The following SRGN variants were observed in gnomAD, a reference collection of about 807,000 sequenced individuals.
SRGN encodes the protein serglycin, also known as hematopoetic proteoglycan core peptide.
In SRGN, 2 loss-of-function variants were observed where a neutral mutation model predicts 9.5. The observed-to-expected ratio is 0.21, with a 90% CI of 0.09 to 0.66. The LOEUF (loss-of-function observed/expected upper bound fraction) is 0.66. SRGN is among the 30% of genes least tolerant of loss of function. The pLI is 0.83. For missense variants in SRGN, 170 were observed against 192.4 expected (o/e 0.88, Z 0.69); for synonymous variants, 59 against 72.3 (o/e 0.82, Z 0.93).
At chr10:69,088,579 T>TG (rs1041891894) in intron 1 of SRGN, among the ~76,000 whole-genome samples, 1 of 152,182 alleles carries the variant, frequency 6.6e-6, no homozygotes, top group African/African-American at 2.4e-5. Context: ...CTTTGACTGT[T>TG]GGGGGGTGTC....
At chr10:69,099,906 T>G (rs1840254884) in intron 2 of SRGN, among the ~76,000 whole-genome samples, 1 of 152,118 alleles carries the variant, frequency 6.6e-6, no homozygotes, top group Non-Finnish European at 1.5e-5. Context: ...GAGACCAGCC[T>G]GGGCAACACG....
intron 2 of SRGN, among the ~76,000 whole-genome samples, chr10:69,101,153 C>A (rs919616517): frequency 4.0e-5 from 6 of 151,812 alleles, no homozygotes; most frequent in Admixed American, 2.0e-4. Flanking sequence ...TTGGTAGAGA[C>A]GGGGTTTTGC....
At chr10:69,097,584 G>A (rs1840204242) in intron 2 of SRGN, among the ~76,000 whole-genome samples, 1 of 151,962 alleles carries the variant, frequency 6.6e-6, no homozygotes, top group South Asian at 2.1e-4. Context: ...CCGCCACCAC[G>A]CCCGGCTAAT....
chr10:69,091,879 C>CCAAAAAAAAAAAAAAAAA (rs1840063456), intron 1 of SRGN, among the ~76,000 whole-genome samples: 1 of 31,770 alleles, frequency 3.1e-5, no homozygotes, highest in Non-Finnish European at 4.7e-5. Flanking sequence ...GACTCTGTCT[C>CCAAAAAAAAAAAAAAAAA]AAAAAAAAAA....
chr10:69,091,879 C>CAAAAA (rs1177012248), intron 1 of SRGN, among the ~76,000 whole-genome samples: 1,207 of 31,554 alleles, frequency 0.038, 60 homozygotes, highest in Non-Finnish European at 0.043. Flanking sequence ...GACTCTGTCT[C>CAAAAA]AAAAAAAAAA....
At chr10:69,101,121 T>C (rs926173050) in intron 2 of SRGN, among the ~76,000 whole-genome samples, 2 of 151,836 alleles carry the variant, frequency 1.3e-5, no homozygotes, top group African/African-American at 4.8e-5. Flanking sequence ...TGTGCCACTA[T>C]GCCCAGCTAA....
intron 1 of SRGN, among the ~76,000 whole-genome samples, chr10:69,093,858 T>C (rs1840117670): frequency 6.6e-6 from 1 of 152,060 alleles, no homozygotes; most frequent in Non-Finnish European, 1.5e-5. Context: ...AGAGCCAGAC[T>C]CTATCTCAAA....
At chr10:69,099,990 C>T (rs1045787427) in intron 2 of SRGN, among the ~76,000 whole-genome samples, 2 of 151,990 alleles carry the variant, frequency 1.3e-5, no homozygotes, top group Non-Finnish European at 2.9e-5. Context: ...TTTGGGAGGC[C>T]GAGGCGGATA....
chr10:69,101,430 T>C (rs185597196), intron 2 of SRGN, among the ~76,000 whole-genome samples: 132 of 152,340 alleles, frequency 8.7e-4, no homozygotes, highest in Admixed American at 3.7e-3. Context: ...GCCACCTCTC[T>C]TTGTGGCTGG....
At chr10:69,099,945 C>T (rs748377865) in intron 2 of SRGN, among the ~76,000 whole-genome samples, 10 of 152,066 alleles carry the variant, frequency 6.6e-5, no homozygotes, top group Non-Finnish European at 1.2e-4. Context: ...AAATTAGTGG[C>T]CCGGCGCTGT....
At chr10:69,087,985 T>A, upstream of SRGN, 1 of 563,332 alleles carries the variant, frequency 1.8e-6, no homozygotes. Context: ...CCCCACCCCC[T>A]TTCTTTCTGG....
At chr10:69,099,921 G>A (rs1431075414) in intron 2 of SRGN, among the ~76,000 whole-genome samples, 1 of 152,040 alleles carries the variant, frequency 6.6e-6, no homozygotes, top group Admixed American at 6.6e-5. Flanking sequence ...AACACGGCAA[G>A]ACCCCATCTC....
chr10:69,093,868 A>G (rs538904541), intron 1 of SRGN, among the ~76,000 whole-genome samples: 16 of 152,246 alleles, frequency 1.1e-4, no homozygotes, highest in Admixed American at 9.8e-4. Context: ...TCTATCTCAA[A>G]ATAAGGAAAA....
chr10:69,103,707 T>C (rs1018089502), intron 2 of SRGN, among the ~76,000 whole-genome samples, 164 bp from the exon 3 acceptor site: 5 of 152,204 alleles, frequency 3.3e-5, no homozygotes, highest in Admixed American at 3.3e-4. Context: ...GACCTGTTTT[T>C]TTGTTGATTT....
intron 1 of SRGN, among the ~76,000 whole-genome samples, chr10:69,094,948 G>A (rs553287938): frequency 8.6e-5 from 13 of 150,560 alleles, no homozygotes; most frequent in South Asian, 2.1e-4. Context: ...TTGCCTACCC[G>A]CCTCTCACCC....
chr10:69,098,222 C>G (rs1276237089), intron 2 of SRGN, among the ~76,000 whole-genome samples: 1 of 152,032 alleles, frequency 6.6e-6, no homozygotes, highest in African/African-American at 2.4e-5. Context: ...TATAAGCATA[C>G]AAAGGAATAT....
chr10:69,091,917 AAAGAAAAG>A (rs1840070304), intron 1 of SRGN, among the ~76,000 whole-genome samples: 1 of 144,186 alleles, frequency 6.9e-6, no homozygotes. Context: ...AAGAAAAAGA[AAAGAAAAG>A]AAAAAAAAAA....
At chr10:69,100,985 C>G (rs1168880994) in intron 2 of SRGN, among the ~76,000 whole-genome samples, 1 of 144,066 alleles carries the variant, frequency 6.9e-6, no homozygotes, top group Non-Finnish European at 1.5e-5. Context: ...TTCTTTCTTT[C>G]TTTTTTTTTT....
In SRGN at chr10:69,097,040, G is replaced by A. The variant is rs752302434; in HGVS notation, c.80-44G>A. 16 of 1,590,112 alleles carry A rather than the reference G, an allele frequency of 1.0e-5. No individual in the cohort carries two copies. In the South Asian group the frequency reaches 1.8e-4, roughly 18 times the overall value. On this transcript the variant is annotated intron_variant, in intron 1 of 2. Transcript: ENST00000242465. Reference sequence around the variant, plus strand: ...ACTTCTTAGGACAGAGTGATTAGAAGCTGTGTAGTAGATACTTAGTAACAA... The same window carrying A: ...ACTTCTTAGGACAGAGTGATTAGAAACTGTGTAGTAGATACTTAGTAACAA...
Sources: allele counts gnomAD v4.1 joint callset (sites outside exome capture counted in the v4.1 genomes callset), GRCh38; gene constraint gnomAD v4.1.1; transcripts MANE v1.5; gene names NCBI Gene and HGNC (gene_info 2026-07-23, HGNC 2026-07-21).